CNGB1: variants seen among roughly 807,000 people sequenced by gnomAD.
CNGB1 encodes the protein cyclic nucleotide-gated channel beta-1.
CNGB1 carries 126 observed loss-of-function variants against 151.7 expected under a neutral mutation model. The observed-to-expected ratio is 0.83, with a 90% CI of 0.72 to 0.96. CNGB1 has a LOEUF of 0.96. Ranked by LOEUF, CNGB1 falls within the 40% of genes least tolerant of loss-of-function variation. The pLI, the probability that CNGB1 is intolerant of heterozygous loss-of-function variation, is 0.00. For synonymous variants in CNGB1, 623 were observed against 635.1 expected (o/e 0.98, Z 0.29); for missense variants, 1,698 against 1,627.0 (o/e 1.04, Z -0.75).
At chr16:57,904,360 C>A (rs561168878) in intron 26 of CNGB1, among the ~76,000 whole-genome samples, 1 of 152,074 alleles carries the variant, frequency 6.6e-6, no homozygotes, top group Non-Finnish European at 1.5e-5. Context: ...TTCCTCGGGG[C>A]GGGGCCCTTC....
At chr16:57,897,717 G>A (rs1457052706) in intron 30 of CNGB1, 79 bp downstream of exon 30, 1 of 1,540,838 alleles carries the variant, frequency 6.5e-7, no homozygotes, top group East Asian at 2.2e-5. Context: ...CCAAGCCGTA[G>A]ACACTCGCAC....
At chr16:57,964,707 G>T (rs1379782951) in intron 2 of CNGB1, among the ~76,000 whole-genome samples, 163 bp from the exon 3 acceptor site, 1 of 152,104 alleles carries the variant, frequency 6.6e-6, no homozygotes, top group Non-Finnish European at 1.5e-5. Context: ...CCTTCCACCT[G>T]GGATACTCCC....
In CNGB1 at chr16:57,905,586, G is replaced by A. The variant is rs748998299; in HGVS notation, c.2493-711C>T. Among the ~76,000 whole-genome samples, 16 of 152,372 alleles carry A rather than the reference G, an allele frequency of 1.1e-4. 1 individual carries two copies. Among genetic ancestry groups the A allele is most frequent in the East Asian group, 3.9e-4 (2 of 5,182 alleles). ...GTGCTCCAGTCTGAATGTGTCCCCC[G>A]AAATTCAGGCATTGGAAACTTAATT... On this transcript the variant is annotated intron_variant, in intron 25 of 32. Transcript: ENST00000251102.
rs1596945897 is a variant in CNGB1, at chr16:57,888,027, A to G, written c.3290T>C (p.Leu1097Pro). 6.2e-7 allele frequency: 1 copy of G among 1,614,170 alleles called. No individual in the cohort carries two copies. The highest frequency in any genetic ancestry group is 8.5e-7 in the Non-Finnish European group (1 of 1,180,022). Residue 1097 changes from leucine to proline, a missense_variant, in exon 32 of 33, where the codon CTG becomes CCG. By Grantham distance (98) the Leu-to-Pro change is moderately conservative. Coordinates refer to ENST00000251102, the MANE Select transcript of CNGB1 (RefSeq NM_001297.5). ...GGTGCCCGCCCGGGGTGGAAGGATCAGCACGCTCTTCTCCTCCTTGGGCTT... is the reference window on the plus strand; with the variant it reads ...GGTGCCCGCCCGGGGTGGAAGGATCGGCACGCTCTTCTCCTCCTTGGGCTT... ...NNKPKEEKSV[L>P]ILPPRAGTPK...
At chr16:57,899,844 C>G (rs1285178348) in intron 29 of CNGB1, among the ~76,000 whole-genome samples, 5 of 152,308 alleles carry the variant, frequency 3.3e-5, no homozygotes, top group African/African-American at 1.2e-4. Flanking sequence ...ACCCTCACCT[C>G]AGTAACCAGT....
chr16:57,933,318 A>G (rs1961409205), intron 16 of CNGB1, among the ~76,000 whole-genome samples: 1 of 152,170 alleles, frequency 6.6e-6, no homozygotes. Flanking sequence ...GCTACTTCCT[A>G]TTTGGATAAC....
chr16:57,959,836 AAGGTG>A, intron 10 of CNGB1, 47 bp downstream of exon 10: 1 of 1,442,366 alleles, frequency 6.9e-7, no homozygotes, highest in Non-Finnish European at 9.1e-7. Flanking sequence ...AGGCGGGGAC[AAGGTG>A]CTCATCCTGC....
chr16:57,931,264 T>C lies in CNGB1; in HGVS notation c.1535+452A>G, dbSNP rs555593448. ...ACATCCCAGGCTCAAGCAATTGTCA[T>C]GCCTCAGCCTCCCGAGTAGCTGGGA... On this transcript the variant is annotated intron_variant, in intron 17 of 32. Transcript: ENST00000251102. Among the ~76,000 whole-genome samples, 299 of 152,234 alleles carry C rather than the reference T, an allele frequency of 2.0e-3. 1 individual carries two copies. Among genetic ancestry groups the C allele is most frequent in the African/African-American group, 6.6e-3 (273 of 41,534 alleles).
chr16:57,928,002 T>C (rs1961240122), intron 17 of CNGB1, among the ~76,000 whole-genome samples: 1 of 152,272 alleles, frequency 6.6e-6, no homozygotes, highest in Non-Finnish European at 1.5e-5. Flanking sequence ...GACAGCCTTC[T>C]GACCTCAGCT....
chr16:57,924,639 T>C (rs1961136734), intron 17 of CNGB1, among the ~76,000 whole-genome samples: 1 of 152,134 alleles, frequency 6.6e-6, no homozygotes, highest in Non-Finnish European at 1.5e-5. Context: ...GTTTAGGACT[T>C]GACGTGGTTT....
chr16:57,923,284 C>T lies in CNGB1; in HGVS notation c.1632G>A (p.Pro544=), dbSNP rs768335062. The part of the protein sequence containing the change: ...PVVAWSDPTT[P]KDTDGQDRAA... The stretch of plus-strand genomic sequence containing the variant: ...CAGAGGGGTCTCACTCAGTGTCCTT[C>T]GGGGTGGTGGGGTCAGACCAGGCAA... The change falls in exon 18 of 33, where the codon CCG becomes CCA. Residue 544 remains proline (P), a synonymous_variant. Coordinates refer to ENST00000251102, the MANE Select transcript of CNGB1 (RefSeq NM_001297.5). 8.1e-6 allele frequency: 13 copies of T among 1,596,436 alleles called. No homozygotes were observed. Among genetic ancestry groups the T allele is most frequent in the East Asian group, 2.4e-5 (1 of 41,424 alleles).
intron 12 of CNGB1, chr16:57,954,783 C>A (rs1962041569): frequency 2.0e-6 from 2 of 989,216 alleles, no homozygotes; most frequent in Admixed American, 5.9e-5. Flanking sequence ...TAGGGAGAAC[C>A]TCTTCTGGGA....
rs781159411 is a variant in CNGB1 at position 57,903,880 on chromosome 16, G to A, written c.2736C>T (p.Ser912=). The change falls in exon 27 of 33, where the codon TCC becomes TCT. Residue 912 remains serine (S), a synonymous_variant. Transcript: ENST00000251102. The stretch of plus-strand genomic sequence containing the variant: ...ACCAGGTCTTGACGCGGTTCTGCAC[G>A]GACTTGGGGATCTTGTAGAAATTCA... The part of the protein sequence containing the change: ...KYMNFYKIPK[S]VQNRVKTWYE... 30 of 1,614,078 alleles carry A rather than the reference G, an allele frequency of 1.9e-5. No homozygotes were observed. Among genetic ancestry groups the A allele is most frequent in the South Asian group, 3.3e-5 (3 of 91,088 alleles).
At chr16:57,888,654 G>A (rs752033853) in intron 31 of CNGB1, among the ~76,000 whole-genome samples, 3 of 152,162 alleles carry the variant, frequency 2.0e-5, no homozygotes, top group Non-Finnish European at 4.4e-5. Flanking sequence ...GTTTCGCCAT[G>A]TTGCCCAGGC....
chr16:57,893,945 C>T (rs1255430365), intron 31 of CNGB1, among the ~76,000 whole-genome samples: 13 of 152,138 alleles, frequency 8.5e-5, no homozygotes, highest in African/African-American at 3.1e-4. Context: ...ATCTGAGCCC[C>T]GCCAGCCTCC....
Position 57,903,803 on chromosome 16 carries a change from C to T in CNGB1, c.2794+19G>A. 1 of 1,613,782 alleles carries T rather than the reference C, an allele frequency of 6.2e-7. No individual in the cohort carries two copies. The highest frequency in any genetic ancestry group is 8.5e-7 in the Non-Finnish European group (1 of 1,179,970). On this transcript the variant is annotated intron_variant, in intron 27 of 32. Coordinates refer to ENST00000251102, the MANE Select transcript of CNGB1 (RefSeq NM_001297.5). ...GAGTTGACTGGGAGCTGGTGGCTGC[C>T]AGGGCGTGACCATCTTACCCAGCAT...
At chr16:57,892,186 TG>T (rs1960109956) in intron 31 of CNGB1, among the ~76,000 whole-genome samples, 1 of 151,994 alleles carries the variant, frequency 6.6e-6, no homozygotes, top group South Asian at 2.1e-4. Context: ...AGCGTGCACT[TG>T]GGGTGACTCA....
At chr16:57,955,516 G>A (rs1420604028) in intron 12 of CNGB1, 11 of 696,982 alleles carry the variant, frequency 1.6e-5, no homozygotes, top group Non-Finnish European at 2.0e-5. Context: ...GACATGGGAC[G>A]TGAGTGGAAT....
chr16:57,904,616 A>G (rs1427260974), intron 26 of CNGB1, 118 bp downstream of exon 26: 5 of 1,402,718 alleles, frequency 3.6e-6, no homozygotes, highest in Non-Finnish European at 5.0e-6. Context: ...CTCTCAGTCT[A>G]GTGCCCTTTC....
Sources: gnomAD v4.1 joint callset for allele counts (sites outside exome capture counted in the v4.1 genomes callset) on GRCh38, gnomAD v4.1.1 for gene constraint, MANE v1.5 for transcripts, NCBI Gene and HGNC (gene_info 2026-07-23, HGNC 2026-07-21) for gene names.